The following DDHD1 variants were observed in gnomAD, a reference collection of about 807,000 sequenced individuals.
DDHD1 encodes the protein DDHD domain containing 1, also known as phospholipase DDHD1.
A neutral mutation model predicts 96.4 loss-of-function variants in DDHD1; 49 were observed. That is an observed-to-expected ratio of 0.51 (90% confidence interval 0.40 to 0.64). DDHD1 has a LOEUF of 0.64. Among genes scored for constraint, DDHD1 ranks in the 30% least tolerant of loss-of-function variants. The pLI, the probability that DDHD1 is intolerant of heterozygous loss-of-function variation, is 0.00. For missense variants in DDHD1, 1,106 were observed against 1,161.2 expected (o/e 0.95, Z 0.69); for synonymous variants, 442 against 446.5 (o/e 0.99, Z 0.13).
chr14:53,087,171 A>T (rs1044309396), intron 4 of DDHD1, among the ~76,000 whole-genome samples: 6 of 152,066 alleles, frequency 3.9e-5, no homozygotes, highest in Admixed American at 2.6e-4. Flanking sequence ...AAGTCCTTAG[A>T]GACCCTACAA....
In DDHD1 at chr14:53,152,559, CT is replaced by C; in HGVS notation, c.539del (p.Lys180SerfsTer73). ...WFYKEDKKTW[K>X]PFIGYDSLRI... is the part of the protein sequence containing the mutation. ...GGAGCGAGTCGTAGCCGATGAAGGGCTTCCAGGTCTTCTTGTCCTCCTTGTA... is the reference window on the plus strand; with the variant it reads ...GGAGCGAGTCGTAGCCGATGAAGGGCTCCAGGTCTTCTTGTCCTCCTTGTA... On this transcript the variant is annotated frameshift_variant, in exon 1 of 13. Coordinates refer to ENST00000673822, the MANE Select transcript of DDHD1 (RefSeq NM_001160148.2). LOFTEE classifies it high-confidence loss of function. The C allele has an allele frequency of 6.2e-7, 1 of 1,613,900 alleles. No individual in the cohort carries two copies. Among genetic ancestry groups the C allele is most frequent in the Non-Finnish European group, 8.5e-7 (1 of 1,179,950 alleles).
chr14:53,090,148 G>A (rs1003038483), intron 4 of DDHD1, among the ~76,000 whole-genome samples: 1 of 152,170 alleles, frequency 6.6e-6, no homozygotes, highest in African/African-American at 2.4e-5. Flanking sequence ...GGCCATCAGA[G>A]AAATGCAAAT....
intron 1 of DDHD1, among the ~76,000 whole-genome samples, chr14:53,151,018 A>AC (rs1220405417): frequency 6.6e-6 from 1 of 152,242 alleles, no homozygotes; most frequent in Non-Finnish European, 1.5e-5. Context: ...TGGTGATTTG[A>AC]CACATGTTGG....
intron 1 of DDHD1, 143 bp from the exon 2 acceptor site, chr14:53,103,999 T>C: frequency 2.9e-6 from 2 of 682,314 alleles, no homozygotes; most frequent in Non-Finnish European, 4.6e-6. Flanking sequence ...AAACTTTTAT[T>C]TATGTTTATT....
At chr14:53,061,879 C>T (rs1375825861) in intron 7 of DDHD1, among the ~76,000 whole-genome samples, 2 of 151,778 alleles carry the variant, frequency 1.3e-5, no homozygotes, top group Non-Finnish European at 2.9e-5. Context: ...ACTAAAAATA[C>T]AAAAATGAGC....
chr14:53,081,934 G>C (rs542792141), intron 4 of DDHD1, among the ~76,000 whole-genome samples: 1 of 152,256 alleles, frequency 6.6e-6, no homozygotes, highest in South Asian at 2.1e-4. Flanking sequence ...GGGGAAAAGA[G>C]GAAGAGGGAG....
chr14:53,069,060 T>C (rs1038602431), intron 6 of DDHD1, among the ~76,000 whole-genome samples: 2 of 152,192 alleles, frequency 1.3e-5, no homozygotes, highest in African/African-American at 4.8e-5. Flanking sequence ...AATAATAATT[T>C]TGGTGCTCAA....
At chr14:53,110,086 C>T (rs951492478) in intron 1 of DDHD1, among the ~76,000 whole-genome samples, 3 of 152,202 alleles carry the variant, frequency 2.0e-5, no homozygotes, top group Non-Finnish European at 2.9e-5. Context: ...ATTTAGGTGG[C>T]TACCCAAGGC....
chr14:53,070,935 T>G (rs1409046424), intron 6 of DDHD1, among the ~76,000 whole-genome samples: 1 of 152,164 alleles, frequency 6.6e-6, no homozygotes, highest in Non-Finnish European at 1.5e-5. Context: ...GAACCCTTCT[T>G]TCTCTTATGA....
chr14:53,103,575 C>G (rs1437668056), intron 2 of DDHD1, 108 bp downstream of exon 2: 8 of 912,618 alleles, frequency 8.8e-6, no homozygotes, highest in African/African-American at 3.5e-5. Flanking sequence ...ATCAAATTTT[C>G]TAATTCTAAA....
intron 10 of DDHD1, among the ~76,000 whole-genome samples, chr14:53,055,338 A>G (rs1882948092): frequency 6.6e-6 from 1 of 152,246 alleles, no homozygotes. Flanking sequence ...CAGATGAGCA[A>G]GTAGAGCATT....
intron 4 of DDHD1, among the ~76,000 whole-genome samples, chr14:53,082,230 AAGAAG>A (rs1184459575): frequency 6.6e-6 from 1 of 152,192 alleles, no homozygotes; most frequent in Non-Finnish European, 1.5e-5. Flanking sequence ...TTCATATTGT[AAGAAG>A]AGAAGATAGA....
chr14:53,046,775 G>C lies in DDHD1; in HGVS notation c.2696C>G (p.Pro899Arg). 9 of 1,597,152 alleles carry C rather than the reference G, an allele frequency of 5.6e-6. No homozygotes were observed. The highest frequency in any genetic ancestry group is 7.7e-6 in the Non-Finnish European group (9 of 1,172,490). Residue 899 changes from proline (P) to arginine (R), a missense_variant, in exon 13 of 13, where the codon CCA (proline) becomes CGA (arginine). Pro to Arg is a moderately radical substitution (Grantham distance 103). Coordinates refer to ENST00000673822, the MANE Select transcript of DDHD1 (RefSeq NM_001160148.2). ...CATGTCCTTCAAGAGAGTTCAGATT[G>C]GATCTAAATTGGGTTTTGCATCATC... Reference protein sequence around the residue: ...HDDDAKPNLDPI With the variant: ...HDDDAKPNLDRI
intron 1 of DDHD1, among the ~76,000 whole-genome samples, chr14:53,132,086 T>C (rs767066810): frequency 3.3e-5 from 5 of 152,094 alleles, no homozygotes; most frequent in Non-Finnish European, 7.4e-5. Context: ...GCTGACCCCA[T>C]AAATCCTCAA....
chr14:53,044,505 A>G lies in DDHD1; in HGVS notation c.*2263T>C, dbSNP rs1329228334. On this transcript the variant is annotated 3_prime_UTR_variant, in exon 13 of 13. Transcript: ENST00000673822. ...TGCATTTGAGTGTCATACCACCTAC[A>G]GCAACATACGCTCAAGTACCTTTAA... 1 of 152,232 alleles carries G rather than the reference A, an allele frequency of 6.6e-6. No homozygotes were observed. Among genetic ancestry groups the G allele is most frequent in the Non-Finnish European group, 1.5e-5 (1 of 68,038 alleles). 9.4% of individuals were successfully genotyped at this position (152,232 alleles called of 1,614,324 possible).
Position 53,037,641 on chromosome 14 carries a change from T to G in DDHD1, c.*9127A>C, listed in dbSNP as rs1881359110. 1 of 152,190 alleles carries G rather than the reference T, an allele frequency of 6.6e-6. No individual in the cohort carries two copies. Among genetic ancestry groups the G allele is most frequent in the South Asian group, 2.1e-4 (1 of 4,830 alleles). The allele number at this position is 152,190 out of a possible 1,614,324, so 9.4% of individuals were successfully genotyped here. On this transcript the variant is annotated 3_prime_UTR_variant, in exon 13 of 13. Coordinates refer to ENST00000673822, the MANE Select transcript of DDHD1 (RefSeq NM_001160148.2). ...ATTGATTCTGGATGTCAGATCTTTGTTGGATGTCTAGTTTGCAAATATTTT... is the reference window on the plus strand; with the variant it reads ...ATTGATTCTGGATGTCAGATCTTTGGTGGATGTCTAGTTTGCAAATATTTT...
At position 53,041,414 on chromosome 14, in the gene DDHD1, C is replaced by G. The variant is rs1050441149; in HGVS notation, c.*5354G>C. 3.3e-5 allele frequency: 5 copies of G among 151,988 alleles called. No individual in the cohort carries two copies. The highest frequency in any genetic ancestry group is 9.7e-5 in the African/African-American group (4 of 41,374). 9.4% of individuals were successfully genotyped at this position (151,988 alleles called of 1,614,324 possible). A position where few individuals can be genotyped will look rare whatever the true frequency, so the allele number is the denominator to read the frequency against. On this transcript the variant is annotated 3_prime_UTR_variant, in exon 13 of 13. Transcript: ENST00000673822. The stretch of plus-strand genomic sequence containing the variant: ...TACACACACACACCAAAAAACAAAA[C>G]AAAACACAATAGTAAAAACTCTTCT...
Position 53,037,470 on chromosome 14 carries a change from G to A in DDHD1, c.*9298C>T, listed in dbSNP as rs1881346018. On this transcript the variant is annotated 3_prime_UTR_variant, in exon 13 of 13. Transcript: ENST00000673822. Reference sequence around the variant, plus strand: ...AACTGGTGTGAGATGGTATCTTATTGTGGTTTTGATTTGCATTTCTCTGAT... The same window carrying A: ...AACTGGTGTGAGATGGTATCTTATTATGGTTTTGATTTGCATTTCTCTGAT... The A allele has an allele frequency of 6.6e-6, 1 of 152,138 alleles. No homozygotes were observed. Among genetic ancestry groups the A allele is most frequent in the Non-Finnish European group, 1.5e-5 (1 of 68,030 alleles). 9.4% of individuals were successfully genotyped at this position (152,138 alleles called of 1,614,324 possible). A position where few individuals can be genotyped will look rare whatever the true frequency, so the allele number is the denominator to read the frequency against.
rs200693628 is a variant in DDHD1 at position 53,104,623 on chromosome 14, G to GA, written c.839-768dup. Among the ~76,000 whole-genome samples the GA allele has an allele frequency of 8.1e-3, 1,236 of 151,678 alleles. 13 individuals are homozygous for GA. Among genetic ancestry groups the GA allele is most frequent in the Non-Finnish European group, 0.012 (791 of 67,880 alleles). ...TAGTAAATATTTCATCTACTTTAGG[G>GA]AAAAAAAATCAAGAAAAACTTTCTT... On this transcript the variant is annotated intron_variant, in intron 1 of 12. Transcript: ENST00000673822.
Sources: gnomAD v4.1 joint callset for allele counts (sites outside exome capture counted in the v4.1 genomes callset) on GRCh38, gnomAD v4.1.1 for gene constraint, MANE v1.5 for transcripts, NCBI Gene and HGNC (gene_info 2026-07-23, HGNC 2026-07-21) for gene names.